The following CD226 variants were observed in gnomAD, a reference collection of about 807,000 sequenced individuals.
The protein encoded by CD226 is CD226 molecule, also known as CD226 antigen.
A neutral mutation model predicts 34.9 loss-of-function variants in CD226; 24 were observed. That is an observed-to-expected ratio of 0.69 (90% CI 0.50 to 0.97). The LOEUF (loss-of-function observed/expected upper bound fraction) is 0.97, where lower values mean the gene tolerates loss of function less well. Ranked by LOEUF, CD226 falls within the 50% of genes least tolerant of loss-of-function variation. The pLI, the probability that CD226 is intolerant of heterozygous loss-of-function variation, is 0.00. For synonymous variants in CD226, 148 were observed against 147.4 expected, an observed-to-expected ratio of 1.00 and a Z score of -0.03; for missense variants, 397 against 412.7, an observed-to-expected ratio of 0.96 and a Z score of 0.33.
upstream of CD226, among the ~76,000 whole-genome samples, chr18:69,958,478 T>C (rs1239270021): frequency 2.0e-5 from 3 of 152,206 alleles, no homozygotes; most frequent in African/African-American, 7.2e-5. Context: ...AAACACCCAC[T>C]GATTTTTGCA....
chr18:69,928,694 A>AGG (rs2055553272), intron 2 of CD226, among the ~76,000 whole-genome samples: 2 of 151,792 alleles, frequency 1.3e-5, no homozygotes, highest in Non-Finnish European at 2.9e-5. Flanking sequence ...TCTGAAATCT[A>AGG]AAATGCTCCA....
chr18:69,958,811 AC>A (rs2055915940), upstream of CD226, among the ~76,000 whole-genome samples: 1 of 151,774 alleles, frequency 6.6e-6, no homozygotes, highest in African/African-American at 2.4e-5. Flanking sequence ...ACACACACAC[AC>A]ACACACACAC....
chr18:69,960,756 T>C (rs2055926063), upstream of CD226, among the ~76,000 whole-genome samples: 1 of 152,232 alleles, frequency 6.6e-6, no homozygotes, highest in African/African-American at 2.4e-5. Context: ...GGCCAGATAC[T>C]TGATAATTTT....
intron 2 of CD226, among the ~76,000 whole-genome samples, chr18:69,913,540 A>G (rs2055351040): frequency 6.6e-6 from 1 of 152,224 alleles, no homozygotes; most frequent in Non-Finnish European, 1.5e-5. Flanking sequence ...TTTATGCATT[A>G]CATGTGAACA....
At chr18:69,880,036 C>T (rs1461098192) in intron 3 of CD226, among the ~76,000 whole-genome samples, 1 of 152,140 alleles carries the variant, frequency 6.6e-6, no homozygotes, top group Non-Finnish European at 1.5e-5. Flanking sequence ...GACAGTCGAA[C>T]ATGTTTTATT....
intron 2 of CD226, among the ~76,000 whole-genome samples, chr18:69,915,075 G>A (rs1475897893): frequency 1.3e-5 from 2 of 152,140 alleles, no homozygotes; most frequent in Non-Finnish European, 2.9e-5. Context: ...AAATGGAGGT[G>A]AACACATTTC....
upstream of CD226, among the ~76,000 whole-genome samples, chr18:69,949,893 CTCAA>C (rs1273091419): frequency 6.6e-6 from 1 of 151,996 alleles, no homozygotes; most frequent in African/African-American, 2.4e-5. Context: ...CTCACTCTAT[CTCAA>C]TCACATGCAT....
chr18:69,863,457 G>A lies in CD226; in HGVS notation c.*857C>T, dbSNP rs979135075. The stretch of plus-strand genomic sequence containing the variant: ...TACAGAATGAGAGATAAATAAATAT[G>A]AGAATAGTAAAGGATTGCCCTCTCG... On this transcript the variant is annotated 3_prime_UTR_variant, in exon 6 of 6. Coordinates refer to ENST00000582621, the MANE Select transcript of CD226 (RefSeq NM_001303618.2). 2 of 152,168 alleles carry A rather than the reference G, an allele frequency of 1.3e-5. No homozygotes were observed. The highest frequency in any genetic ancestry group is 2.9e-5 in the Non-Finnish European group (2 of 68,032). The allele number at this position is 152,168 out of a possible 1,614,324, so 9.4% of individuals were successfully genotyped here. A position where few individuals can be genotyped will look rare whatever the true frequency, so the allele number is the denominator to read the frequency against.
In CD226 at chr18:69,913,469, CAT is replaced by C. The variant is rs143118161; in HGVS notation, c.383-17426_383-17425del. Among the ~76,000 whole-genome samples the C allele has an allele frequency of 5.3e-3, 805 of 152,210 alleles. 6 individuals are homozygous for C. Among genetic ancestry groups the C allele is most frequent in the African/African-American group, 0.018 (766 of 41,536 alleles). On this transcript the variant is annotated intron_variant, in intron 2 of 5. Transcript: ENST00000582621. ...CAAAATAAACTTTTTATTTTCTAAACATGTGCTTTTTTCTAAATGAAAAACTG... is the reference window on the plus strand; with the variant it reads ...CAAAATAAACTTTTTATTTTCTAAACGTGCTTTTTTCTAAATGAAAAACTG...
chr18:69,920,428 T>A (rs968469901), intron 2 of CD226, among the ~76,000 whole-genome samples: 13 of 152,230 alleles, frequency 8.5e-5, no homozygotes, highest in South Asian at 2.1e-4. Flanking sequence ...GTTTATAATA[T>A]AGAATCACTT....
chr18:69,946,099 G>A (rs1273649091), intron 2 of CD226, among the ~76,000 whole-genome samples: 2 of 135,620 alleles, frequency 1.5e-5, no homozygotes, highest in East Asian at 2.2e-4. Flanking sequence ...TAGGAGAATC[G>A]CTTGAGCCCA....
chr18:69,911,553 C>T (rs1403479567), intron 2 of CD226, among the ~76,000 whole-genome samples: 5 of 152,158 alleles, frequency 3.3e-5, no homozygotes, highest in Non-Finnish European at 5.9e-5. Flanking sequence ...AGGCACTCCA[C>T]TTCACCCATC....
chr18:69,945,054 G>A (rs1045658679), intron 2 of CD226, among the ~76,000 whole-genome samples: 2 of 152,150 alleles, frequency 1.3e-5, no homozygotes, highest in Non-Finnish European at 2.9e-5. Flanking sequence ...GCACTATTAT[G>A]TCAGATGTCA....
Position 69,918,763 on chromosome 18 carries a change from G to A in CD226, c.383-22718C>T, listed in dbSNP as rs114409822. ...GAGCAATGTCTTGACTTGGAGCAGAGCCACAGCCATCAGCAGGCATCCAGG... is the reference window on the plus strand; with the variant it reads ...GAGCAATGTCTTGACTTGGAGCAGAACCACAGCCATCAGCAGGCATCCAGG... On this transcript the variant is annotated intron_variant, in intron 2 of 5. Coordinates refer to ENST00000582621, the MANE Select transcript of CD226 (RefSeq NM_001303618.2). Among the ~76,000 whole-genome samples the A allele has an allele frequency of 7.8e-3, 1,184 of 152,266 alleles. 16 individuals are homozygous for A. The highest frequency in any genetic ancestry group is 0.026 in the African/African-American group (1,080 of 41,554).
Position 69,861,311 on chromosome 18 carries a change from CT to C in CD226, c.*3002del, listed in dbSNP as rs890304098. The C allele has an allele frequency of 1.3e-5, 2 of 151,252 alleles. No homozygotes were observed. Among genetic ancestry groups the C allele is most frequent in the African/African-American group, 4.8e-5 (2 of 41,388 alleles). 9.4% of individuals were successfully genotyped at this position (151,252 alleles called of 1,614,324 possible). On this transcript the variant is annotated 3_prime_UTR_variant, in exon 6 of 6. Coordinates refer to ENST00000582621, the MANE Select transcript of CD226 (RefSeq NM_001303618.2). Reference sequence around the variant, plus strand: ...TTCTCAACATATTATACCTAAAGTTCTTTAAATAAAGTTTGAAGGTATCTCT... The same window carrying C: ...TTCTCAACATATTATACCTAAAGTTCTTAAATAAAGTTTGAAGGTATCTCT...
At position 69,858,718 on chromosome 18, in the gene CD226, C is replaced by CTTTTTTTTTTTTTTTTTTTTT. The variant is rs71178826; in HGVS notation, c.*5575_*5595dup. On this transcript the variant is annotated 3_prime_UTR_variant, in exon 6 of 6. Coordinates refer to ENST00000582621, the MANE Select transcript of CD226 (RefSeq NM_001303618.2). The stretch of plus-strand genomic sequence containing the variant: ...GCCACCCCTATGTTCAAATACTTAA[C>CTTTTTTTTTTTTTTTTTTTTT]TTTTTTTTTTTTTTTTTTTTTTTTT... 8.9e-5 allele frequency: 4 copies of CTTTTTTTTTTTTTTTTTTTTT among 44,974 alleles called. 1 individual carries two copies. The highest frequency in any genetic ancestry group is 1.7e-4 in the Non-Finnish European group (4 of 24,038). The allele number at this position is 44,974 out of a possible 1,614,324, so 2.8% of individuals were successfully genotyped here.
chr18:69,952,540 T>C (rs1042538430), upstream of CD226, among the ~76,000 whole-genome samples: 4 of 152,332 alleles, frequency 2.6e-5, 1 homozygote, highest in South Asian at 4.1e-4. Flanking sequence ...CTGGGACAAC[T>C]GGATAGCCAC....
intron 2 of CD226, among the ~76,000 whole-genome samples, chr18:69,904,417 C>T (rs930228646): frequency 6.6e-6 from 1 of 152,234 alleles, no homozygotes; most frequent in Non-Finnish European, 1.5e-5. Flanking sequence ...ACTGCTGAGA[C>T]CACCGGCCTC....
chr18:69,901,495 G>A (rs1254902064), intron 2 of CD226, among the ~76,000 whole-genome samples: 2 of 152,102 alleles, frequency 1.3e-5, no homozygotes, highest in Admixed American at 6.5e-5. Flanking sequence ...CTTGATAGTC[G>A]GCGAAGCTAT....
Sources: allele counts gnomAD v4.1 joint callset (sites outside exome capture counted in the v4.1 genomes callset), GRCh38; gene constraint gnomAD v4.1.1; transcripts MANE v1.5; gene names NCBI Gene and HGNC (gene_info 2026-07-23, HGNC 2026-07-21).